ADCY2: variants seen among roughly 807,000 people sequenced by gnomAD.
The protein encoded by ADCY2 is adenylate cyclase 2, also known as adenylate cyclase type 2.
In ADCY2, 31 loss-of-function variants were observed where a neutral mutation model predicts 125.2. The ratio of observed to expected loss-of-function variants is 0.25; its 90% CI spans 0.19 to 0.33. The LOEUF is 0.33. ADCY2 is among the 10% of genes least tolerant of loss of function. The pLI, the probability that ADCY2 is intolerant of heterozygous loss-of-function variation, is 1.00. For missense variants in ADCY2, 904 were observed against 1,418.2 expected (o/e 0.64, Z 5.82); for synonymous variants, 512 against 548.4 (o/e 0.93, Z 0.93).
chr5:7,531,008 A>G (rs1263974166), intron 3 of ADCY2, among the ~76,000 whole-genome samples: 1 of 152,166 alleles, frequency 6.6e-6, no homozygotes, highest in Admixed American at 6.5e-5. Context: ...CATCCTAGCA[A>G]GATACTGGAA....
rs1337334769 is a variant in ADCY2 at position 7,766,800 on chromosome 5, C to T, written c.2208C>T (p.Phe736=). The T allele has an allele frequency of 6.2e-7, 1 of 1,610,354 alleles. No homozygotes were observed. The highest frequency in any genetic ancestry group is 8.5e-7 in the Non-Finnish European group (1 of 1,179,190). The change falls in exon 17 of 25, where the codon TTC becomes TTT. Residue 736 remains phenylalanine, a synonymous_variant. Transcript: ENST00000338316. ...TTCTGCGTGCGCAGAATTTATTTTT[C>T]CTCCCGGTAAGAACATTGCAATTAT... ...VAILRAQNLF[F]LPYFIYSCIL...
Position 7,766,704 on chromosome 5 carries a change from A to G in ADCY2, c.2112A>G (p.Ser704=), listed in dbSNP as rs199862997. The G allele has an allele frequency of 7.6e-5, 123 of 1,611,782 alleles. No individual in the cohort carries two copies. The East Asian group carries it at 2.7e-3, about 36-fold the overall frequency. The change falls in exon 17 of 25, where the codon TCA becomes TCG. Residue 704 remains serine (S), a synonymous_variant. Coordinates refer to ENST00000338316, the MANE Select transcript of ADCY2 (RefSeq NM_020546.3). ...CTTTGCAGTTTTTCCTGAGTGACTC[A>G]GAGGAAACAATCCCTCCAACTGCCA... ...AVFNMFFLSD[S]EETIPPTANT...
At position 7,619,762 on chromosome 5, in the gene ADCY2, T is replaced by C. The variant is rs545785506; in HGVS notation, c.571-6405T>C. Reference sequence around the variant, plus strand: ...TCTGCAGAAAATAGGGAAGCCAAAATCTTCATGGCTTGTGTTGTTTTCTTC... The same window carrying C: ...TCTGCAGAAAATAGGGAAGCCAAAACCTTCATGGCTTGTGTTGTTTTCTTC... On this transcript the variant is annotated intron_variant, in intron 3 of 24. Transcript: ENST00000338316. Among the ~76,000 whole-genome samples, 25 of 152,298 alleles carry C rather than the reference T, an allele frequency of 1.6e-4. No individual in the cohort carries two copies. The South Asian group carries it at 5.0e-3, about 30-fold the overall frequency.
At chr5:7,674,941 G>A (rs1030552910) in intron 4 of ADCY2, among the ~76,000 whole-genome samples, 31 of 152,244 alleles carry the variant, frequency 2.0e-4, no homozygotes, top group Non-Finnish European at 3.7e-4. Flanking sequence ...GGATCACGAG[G>A]TCAGGAGATC....
intron 20 of ADCY2, chr5:7,798,951 G>C (rs1010184772): frequency 5.9e-5 from 9 of 152,128 alleles, no homozygotes; most frequent in Admixed American, 3.3e-4. Context: ...AGGGCCACAG[G>C]GTAGTCCCGA....
At chr5:7,571,479 G>C (rs1017186115) in intron 3 of ADCY2, among the ~76,000 whole-genome samples, 1 of 152,106 alleles carries the variant, frequency 6.6e-6, no homozygotes, top group Non-Finnish European at 1.5e-5. Context: ...CATTGGTGAG[G>C]ATCATCTTCA....
chr5:7,814,340 C>G (rs2126534853), intron 22 of ADCY2, among the ~76,000 whole-genome samples: 1 of 152,050 alleles, frequency 6.6e-6, no homozygotes, highest in Middle Eastern at 3.4e-3. Context: ...TTTACTCCTC[C>G]CCCCGCCCCC....
chr5:7,669,733 A>G (rs546200635), intron 4 of ADCY2, among the ~76,000 whole-genome samples: 13 of 152,164 alleles, frequency 8.5e-5, no homozygotes, highest in Non-Finnish European at 1.8e-4. Flanking sequence ...CAGTCCATCA[A>G]TCCTAATCAC....
chr5:7,661,568 G>A (rs145558819), intron 4 of ADCY2, among the ~76,000 whole-genome samples: 51 of 152,270 alleles, frequency 3.3e-4, no homozygotes, highest in African/African-American at 1.1e-3. Flanking sequence ...GGTTTATCCC[G>A]ACACTTGGTT....
At chr5:7,735,182 A>C (rs1742211974) in intron 14 of ADCY2, among the ~76,000 whole-genome samples, 1 of 152,196 alleles carries the variant, frequency 6.6e-6, no homozygotes, top group Admixed American at 6.5e-5. Context: ...AAGAGCCTGA[A>C]GTTGAGCATA....
At chr5:7,492,022 G>A (rs1743182307) in intron 2 of ADCY2, among the ~76,000 whole-genome samples, 2 of 152,234 alleles carry the variant, frequency 1.3e-5, no homozygotes, top group Non-Finnish European at 2.9e-5. Flanking sequence ...CAGGTGTCAC[G>A]GGGTGGAGGG....
At chr5:7,504,046 A>G (rs539016844) in intron 2 of ADCY2, among the ~76,000 whole-genome samples, 1 of 152,208 alleles carries the variant, frequency 6.6e-6, no homozygotes, top group East Asian at 1.9e-4. Context: ...CTCCTGATGT[A>G]GGTGCATTCT....
intron 3 of ADCY2, among the ~76,000 whole-genome samples, chr5:7,580,635 G>A (rs987170319): frequency 6.6e-6 from 1 of 152,150 alleles, no homozygotes; most frequent in African/African-American, 2.4e-5. Flanking sequence ...TCACAGAAAA[G>A]GAGTGAGAGA....
chr5:7,815,781 C>T (rs1428003208), intron 22 of ADCY2, among the ~76,000 whole-genome samples: 1 of 152,158 alleles, frequency 6.6e-6, no homozygotes, highest in Non-Finnish European at 1.5e-5. Context: ...CCCTCAAGGA[C>T]GAGTAAATGA....
chr5:7,639,109 CTCGGGTATGTGTTTATCAG>C (rs1038171172), intron 4 of ADCY2, among the ~76,000 whole-genome samples: 3 of 152,136 alleles, frequency 2.0e-5, no homozygotes, highest in African/African-American at 7.2e-5. Flanking sequence ...ATTGCCCAGT[CTCGGGTATGTGTTTATCAG>C]CAGTGTGAAA....
At chr5:7,405,765 A>T (rs922298073) in intron 1 of ADCY2, among the ~76,000 whole-genome samples, 12 of 152,222 alleles carry the variant, frequency 7.9e-5, no homozygotes, top group African/African-American at 2.9e-4. Context: ...TGGATTTTTA[A>T]AAAAGCTGTA....
intron 4 of ADCY2, among the ~76,000 whole-genome samples, chr5:7,627,931 C>T (rs1400924132): frequency 6.6e-6 from 1 of 152,126 alleles, no homozygotes. Flanking sequence ...GTCTTACCAC[C>T]TATATAGCAA....
At chr5:7,818,735 A>C (rs1745202004) in intron 23 of ADCY2, among the ~76,000 whole-genome samples, 1 of 152,148 alleles carries the variant, frequency 6.6e-6, no homozygotes, top group South Asian at 2.1e-4. Context: ...TTACACAAAG[A>C]TGAGATGACC....
chr5:7,599,244 C>A (rs143390611), intron 3 of ADCY2, among the ~76,000 whole-genome samples: 1 of 152,078 alleles, frequency 6.6e-6, no homozygotes, highest in African/African-American at 2.4e-5. Context: ...AGGGGCAGTA[C>A]GAGTTTTTTT....
Sources: allele counts gnomAD v4.1 joint callset (sites outside exome capture counted in the v4.1 genomes callset), GRCh38; gene constraint gnomAD v4.1.1; transcripts MANE v1.5; gene names NCBI Gene and HGNC (gene_info 2026-07-23, HGNC 2026-07-21).